The following PDE10A variants were observed in gnomAD, a reference collection of about 807,000 sequenced individuals.
PDE10A encodes the protein phosphodiesterase 10A, also known as cAMP and cAMP-inhibited cGMP 3',5'-cyclic phosphodiesterase 10A.
PDE10A carries 39 observed loss-of-function variants against 97.7 expected under a neutral mutation model. The observed-to-expected ratio is 0.40, with a 90% CI of 0.31 to 0.52. PDE10A has a LOEUF of 0.52. Among genes scored for constraint, PDE10A ranks in the 20% least tolerant of loss-of-function variants. The pLI, the probability that PDE10A is intolerant of heterozygous loss-of-function variation, is 0.56. For missense variants in PDE10A, 731 were observed against 1,047.8 expected, an observed-to-expected ratio of 0.70 and a Z score of 4.17; for synonymous variants, 371 against 376.8, an observed-to-expected ratio of 0.98 and a Z score of 0.18.
chr6:165,633,668 C>T (rs145343722), intron 1 of PDE10A, among the ~76,000 whole-genome samples: 239 of 152,258 alleles, frequency 1.6e-3, no homozygotes, highest in African/African-American at 5.5e-3. Flanking sequence ...ACTCAGGTCA[C>T]CCAGGCTGGA....
chr6:165,501,068 C>A (rs1780846802), intron 2 of PDE10A, among the ~76,000 whole-genome samples: 1 of 152,166 alleles, frequency 6.6e-6, no homozygotes, highest in Non-Finnish European at 1.5e-5. Flanking sequence ...TAATGACCAA[C>A]AAATAATGAG....
chr6:165,358,631 C>G (rs1323703705), intron 18 of PDE10A, among the ~76,000 whole-genome samples: 1 of 151,456 alleles, frequency 6.6e-6, no homozygotes, highest in Non-Finnish European at 1.5e-5. Flanking sequence ...TTTAGCTGGT[C>G]TGATCATTTC....
intron 1 of PDE10A, among the ~76,000 whole-genome samples, chr6:165,562,466 T>C (rs1256091335): frequency 6.6e-6 from 1 of 152,218 alleles, no homozygotes; most frequent in Non-Finnish European, 1.5e-5. Context: ...TGAAAAAATC[T>C]AGAGAATATC....
At chr6:165,927,192 T>C (rs531893174) in intron 1 of PDE10A, among the ~76,000 whole-genome samples, 12 of 152,212 alleles carry the variant, frequency 7.9e-5, no homozygotes, top group Admixed American at 3.3e-4. Flanking sequence ...GTCTTGCACA[T>C]GTACGCCAGA....
intron 1 of PDE10A, among the ~76,000 whole-genome samples, chr6:165,809,999 A>C (rs1329887002): frequency 1.3e-5 from 2 of 152,198 alleles, no homozygotes; most frequent in Non-Finnish European, 2.9e-5. Flanking sequence ...AGCGCTTGGC[A>C]GGCAGGCCTT....
At chr6:165,386,595 T>C (rs927312630) in intron 17 of PDE10A, among the ~76,000 whole-genome samples, 3 of 152,172 alleles carry the variant, frequency 2.0e-5, no homozygotes, top group Non-Finnish European at 2.9e-5. Flanking sequence ...AAGTAGACAT[T>C]AGCTGTCATA....
intron 1 of PDE10A, among the ~76,000 whole-genome samples, chr6:165,794,176 C>T (rs1311046232): frequency 4.0e-5 from 6 of 149,918 alleles, no homozygotes; most frequent in Non-Finnish European, 8.9e-5. Context: ...TCATACACTC[C>T]CTCCCACACT....
intron 1 of PDE10A, among the ~76,000 whole-genome samples, chr6:165,839,880 T>C (rs1780183191): frequency 5.1e-4 from 6 of 11,794 alleles, no homozygotes; most frequent in Admixed American, 8.0e-4. Context: ...CATCTGCACC[T>C]CTGTCTCCAT....
chr6:165,674,547 C>T (rs1396217043), intron 1 of PDE10A, among the ~76,000 whole-genome samples: 2 of 152,138 alleles, frequency 1.3e-5, no homozygotes, highest in African/African-American at 4.8e-5. Context: ...TGCCCGCCAA[C>T]GACTGGCTCC....
chr6:165,759,746 T>A (rs538707052), intron 1 of PDE10A, among the ~76,000 whole-genome samples: 27 of 152,164 alleles, frequency 1.8e-4, no homozygotes, highest in Non-Finnish European at 3.1e-4. Flanking sequence ...TAATCCAACC[T>A]CCTCAGTGAA....
At chr6:165,730,619 A>G (rs1489340653) in intron 1 of PDE10A, among the ~76,000 whole-genome samples, 1 of 151,636 alleles carries the variant, frequency 6.6e-6, no homozygotes, top group East Asian at 1.9e-4. Flanking sequence ...TGGGCATGGT[A>G]GCGCATGCCT....
intron 2 of PDE10A, among the ~76,000 whole-genome samples, chr6:165,527,301 G>A (rs1782504710): frequency 6.6e-6 from 1 of 152,318 alleles, no homozygotes; most frequent in East Asian, 1.9e-4. Context: ...TGCCAGTTCT[G>A]AGTGGAGTCC....
upstream of PDE10A, among the ~76,000 whole-genome samples, chr6:165,663,915 G>C (rs935868593): frequency 2.0e-5 from 3 of 152,170 alleles, no homozygotes; most frequent in Non-Finnish European, 4.4e-5. Context: ...CCGCCCAATG[G>C]GCGCTCAGAA....
At chr6:165,855,551 C>A (rs1780708623) in intron 1 of PDE10A, among the ~76,000 whole-genome samples, 2 of 151,390 alleles carry the variant, frequency 1.3e-5, no homozygotes, top group Admixed American at 6.6e-5. Context: ...GCATTTGGAG[C>A]ACAGTTCCAC....
At chr6:165,836,374 G>A (rs777234024) in intron 1 of PDE10A, among the ~76,000 whole-genome samples, 2 of 152,210 alleles carry the variant, frequency 1.3e-5, no homozygotes, top group Non-Finnish European at 2.9e-5. Context: ...GGCGCACGTC[G>A]GCACAGCCCC....
chr6:165,378,963 TG>T (rs1379109781), intron 18 of PDE10A, among the ~76,000 whole-genome samples: 1 of 152,232 alleles, frequency 6.6e-6, no homozygotes, highest in Non-Finnish European at 1.5e-5. Context: ...GTGTGATTAG[TG>T]TAACTTCCAA....
chr6:165,539,592 CTGAA>C (rs1783300502), intron 2 of PDE10A, among the ~76,000 whole-genome samples: 1 of 152,132 alleles, frequency 6.6e-6, no homozygotes, highest in Non-Finnish European at 1.5e-5. Context: ...ACACAGTTTG[CTGAA>C]TGAATGAAAA....
chr6:165,388,462 A>C lies in PDE10A; in HGVS notation c.2455-9T>G, dbSNP rs1418790334. 2 of 1,613,426 alleles carry C rather than the reference A, an allele frequency of 1.2e-6. No individual in the cohort carries two copies. The highest frequency in any genetic ancestry group is 4.5e-5 in the East Asian group (2 of 44,894). ...ATCAGCAGTCCTTTGCGCTTTAAAA[A>C]ATAATATGATGCAGAGATGCTCAAA... On this transcript the variant is annotated splice_polypyrimidine_tract_variant and intron_variant, in intron 16 of 21. Coordinates refer to ENST00000539869, the MANE Select transcript of PDE10A (RefSeq NM_001385079.1). The surrounding 1 kb of genome is among the most constrained non-coding windows in gnomAD (Gnocchi z 4.0).
chr6:165,546,577 A>T (rs1206244230), intron 1 of PDE10A, among the ~76,000 whole-genome samples: 1 of 152,074 alleles, frequency 6.6e-6, no homozygotes, highest in African/African-American at 2.4e-5. Context: ...CTTTGAAAAT[A>T]AGTGGGGTCT....
Sources: allele counts gnomAD v4.1 joint callset (sites outside exome capture counted in the v4.1 genomes callset), GRCh38; gene constraint gnomAD v4.1.1; non-coding constraint Gnocchi (gnomAD v3.1); transcripts MANE v1.5; gene names NCBI Gene and HGNC (gene_info 2026-07-23, HGNC 2026-07-21).